TBC1D32: variants seen among roughly 807,000 people sequenced by gnomAD.
TBC1D32 encodes the protein TBC1 domain family member 32.
In TBC1D32, 151 loss-of-function variants were observed where a neutral mutation model predicts 170.3. The ratio of observed to expected loss-of-function variants is 0.89; its 90% confidence interval spans 0.78 to 1.01. The LOEUF is 1.01. Among genes scored for constraint, TBC1D32 ranks in the 50% least tolerant of loss-of-function variants. TBC1D32 has a pLI of 0.00. For synonymous variants in TBC1D32, 498 were observed against 488.0 expected (o/e 1.02, Z -0.27); for missense variants, 1,464 against 1,457.1 (o/e 1.00, Z -0.08).
At chr6:121,216,709 T>C (rs1793870191) in intron 21 of TBC1D32, among the ~76,000 whole-genome samples, 1 of 152,194 alleles carries the variant, frequency 6.6e-6, no homozygotes, top group Non-Finnish European at 1.5e-5. Context: ...AGCTGGTTGG[T>C]TGCTTCTAAG....
intron 10 of TBC1D32, among the ~76,000 whole-genome samples, chr6:121,299,052 G>T (rs914975652): frequency 1.3e-5 from 2 of 152,014 alleles, no homozygotes; most frequent in Admixed American, 6.6e-5. Context: ...AAATGCAAAA[G>T]TATTTATCAT....
chr6:121,211,834 A>ACT (rs1399676223), intron 21 of TBC1D32, among the ~76,000 whole-genome samples: 2 of 151,616 alleles, frequency 1.3e-5, no homozygotes, highest in African/African-American at 4.9e-5. Context: ...GGAGCCCCCT[A>ACT]CTCTTCCTCT....
At position 121,120,375 on chromosome 6, in the gene TBC1D32, T is replaced by C. The variant is rs146424028; in HGVS notation, c.2984-5134A>G. Among the ~76,000 whole-genome samples the C allele has an allele frequency of 2.1e-3, 313 of 152,202 alleles. 1 individual carries two copies. The highest frequency in any genetic ancestry group is 7.3e-3 in the African/African-American group (302 of 41,568). On this transcript the variant is annotated intron_variant, in intron 26 of 31. Transcript: ENST00000398212. ...TTTTGCTGAATATTTAGGTAATATA[T>C]ACAATATAATTTTAATTTTAGATTT...
intron 25 of TBC1D32, among the ~76,000 whole-genome samples, chr6:121,129,683 T>C (rs577385525): frequency 6.6e-6 from 1 of 152,266 alleles, no homozygotes; most frequent in Non-Finnish European, 1.5e-5. Flanking sequence ...GCAGAAGATA[T>C]GAATGAGAAA....
Position 121,281,594 on chromosome 6 carries a change from C to T in TBC1D32, c.1558G>A (p.Val520Ile). ...ATAGGCTGAAGAAGTGTCTCTATTACAATGTTGTTATATAAGCATTCCACT... is the reference window on the plus strand; with the variant it reads ...ATAGGCTGAAGAAGTGTCTCTATTATAATGTTGTTATATAAGCATTCCACT... Reference protein sequence around the residue: ...CAVECLYNNIVIETLLQPIHN... With the variant: ...CAVECLYNNIIIETLLQPIHN... The change falls in exon 14 of 32, where the codon GTA becomes ATA. Residue 520 changes from valine (V) to isoleucine (I), a missense_variant. Val to Ile is a conservative substitution (Grantham distance 29, BLOSUM62 3). Coordinates refer to ENST00000398212, the MANE Select transcript of TBC1D32 (RefSeq NM_152730.6). 3 of 1,607,330 alleles carry T rather than the reference C, an allele frequency of 1.9e-6. No individual in the cohort carries two copies. Among genetic ancestry groups the T allele is most frequent in the Non-Finnish European group, 2.6e-6 (3 of 1,176,044 alleles).
intron 15 of TBC1D32, among the ~76,000 whole-genome samples, chr6:121,270,271 A>C (rs1801179806): frequency 6.6e-6 from 1 of 152,154 alleles, no homozygotes; most frequent in Admixed American, 6.5e-5. Flanking sequence ...TCAGAGCAGA[A>C]CTGAAGGAGA....
intron 26 of TBC1D32, among the ~76,000 whole-genome samples, chr6:121,116,872 C>A (rs967969475): frequency 1.3e-5 from 2 of 152,092 alleles, no homozygotes; most frequent in East Asian, 1.9e-4. Flanking sequence ...AAAGTCTAGA[C>A]CCTCTCTAAA....
chr6:121,164,508 G>C (rs1180319740), intron 22 of TBC1D32, among the ~76,000 whole-genome samples: 1 of 10,702 alleles, frequency 9.3e-5, no homozygotes, highest in South Asian at 3.4e-3. Context: ...AGCAAATGCT[G>C]AGAGATTGTG....
chr6:121,232,316 TA>T (rs1325171476), intron 20 of TBC1D32, among the ~76,000 whole-genome samples: 1 of 152,194 alleles, frequency 6.6e-6, no homozygotes, highest in African/African-American at 2.4e-5. Flanking sequence ...GTCATTCTGT[TA>T]ACTGTAGCCT....
Position 121,304,597 on chromosome 6 carries a change from A to G in TBC1D32, c.798T>C (p.Ser266=), listed in dbSNP as rs1385901694. ...AAAGAGTAGGAATATGATTTTCCCT[A>G]GAAAGAAAGTATGACTCCAAATACT... The part of the protein sequence containing the change: ...LAKYLESYFL[S]RENHIPTLSA... Residue 266 remains serine (S), a synonymous_variant, in exon 7 of 32, where the codon TCT becomes TCC. Coordinates refer to ENST00000398212, the MANE Select transcript of TBC1D32 (RefSeq NM_152730.6). The G allele has an allele frequency of 1.2e-6, 2 of 1,610,914 alleles. No homozygotes were observed. Among genetic ancestry groups the G allele is most frequent in the Non-Finnish European group, 1.7e-6 (2 of 1,178,318 alleles).
At chr6:121,131,554 C>T in intron 25 of TBC1D32, 73 bp downstream of exon 25, 1 of 1,486,014 alleles carries the variant, frequency 6.7e-7, no homozygotes, top group Non-Finnish European at 9.1e-7. Context: ...CAATACTAAT[C>T]TTTAAGAACC....
At chr6:121,084,795 G>C (rs551861872) in intron 31 of TBC1D32, among the ~76,000 whole-genome samples, 1 of 152,070 alleles carries the variant, frequency 6.6e-6, no homozygotes, top group African/African-American at 2.4e-5. Context: ...AGCACAAAAA[G>C]ATCAAGTGTG....
chr6:121,218,413 G>A (rs914180203), intron 21 of TBC1D32, among the ~76,000 whole-genome samples: 8 of 152,112 alleles, frequency 5.3e-5, no homozygotes, highest in Admixed American at 6.5e-5. Flanking sequence ...CACATGTGAC[G>A]GTTAACACTG....
At chr6:121,119,722 G>A (rs1488812035) in intron 26 of TBC1D32, among the ~76,000 whole-genome samples, 1 of 152,094 alleles carries the variant, frequency 6.6e-6, no homozygotes, top group Non-Finnish European at 1.5e-5. Flanking sequence ...AAGTTTATCT[G>A]TTTGTTCTTT....
rs913029158 is a variant in TBC1D32, at chr6:121,148,317, A to AT, written c.2773+11692dup. Among the ~76,000 whole-genome samples, 9 of 151,456 alleles carry AT rather than the reference A, an allele frequency of 5.9e-5. No individual in the cohort carries two copies. In the South Asian group the frequency reaches 6.3e-4, roughly 11 times the overall value. On this transcript the variant is annotated intron_variant, in intron 24 of 31. Transcript: ENST00000398212. ...CTGTCCCTGAAAAGGACATGAACTA[A>AT]TTTTTTTTTATGGTTGCATAGTATT...
intron 22 of TBC1D32, among the ~76,000 whole-genome samples, chr6:121,181,615 C>A (rs1446599840): frequency 6.6e-6 from 1 of 151,808 alleles, no homozygotes; most frequent in Non-Finnish European, 1.5e-5. Flanking sequence ...TTCAGCAATC[C>A]CACTGCTGGG....
intron 23 of TBC1D32, 31 bp from the exon 24 acceptor site, chr6:121,160,134 G>T: frequency 7.5e-7 from 1 of 1,334,686 alleles, no homozygotes. Flanking sequence ...ATGACTTTAG[G>T]AAGTGGTCTA....
At chr6:121,204,790 T>G (rs1317355210) in intron 22 of TBC1D32, among the ~76,000 whole-genome samples, 2 of 151,632 alleles carry the variant, frequency 1.3e-5, no homozygotes, top group East Asian at 3.8e-4. Context: ...AAGGTCAAGT[T>G]GACTCCTGAG....
intron 15 of TBC1D32, among the ~76,000 whole-genome samples, chr6:121,262,431 C>G (rs1413775183): frequency 6.6e-6 from 1 of 151,032 alleles, no homozygotes; most frequent in Non-Finnish European, 1.5e-5. Flanking sequence ...GCAGATATCT[C>G]AGCAAAAAAT....
Sources: allele counts gnomAD v4.1 joint callset (sites outside exome capture counted in the v4.1 genomes callset), GRCh38; gene constraint gnomAD v4.1.1; transcripts MANE v1.5; gene names NCBI Gene and HGNC (gene_info 2026-07-23, HGNC 2026-07-21).